Variants in MRRF observed in about 807,000 individuals in gnomAD.
MRRF encodes the protein mitochondrial ribosome recycling factor, also known as ribosome-recycling factor, mitochondrial.
In MRRF, 18 loss-of-function variants were observed where a neutral mutation model predicts 25.1. That is an observed-to-expected ratio of 0.72 (90% CI 0.50 to 1.06). MRRF has a LOEUF of 1.06. MRRF is among the 50% of genes least tolerant of loss of function. MRRF has a pLI of 0.00. For synonymous variants in MRRF, 113 were observed against 112.1 expected (o/e 1.01, Z -0.05); for missense variants, 323 against 319.3 (o/e 1.01, Z -0.09).
At position 122,324,997 on chromosome 9, in the gene MRRF, A is replaced by T. The variant is rs901899480; in HGVS notation, c.*2380A>T. Reference sequence around the variant, plus strand: ...AGCCACATGACAGGGGCTTTGCAACAGTCTTTCATGAGTGGCCGAAATCCC... The same window carrying T: ...AGCCACATGACAGGGGCTTTGCAACTGTCTTTCATGAGTGGCCGAAATCCC... On this transcript the variant is annotated 3_prime_UTR_variant, in exon 7 of 7. Coordinates refer to ENST00000344641, the MANE Select transcript of MRRF (RefSeq NM_138777.5). The T allele has an allele frequency of 5.3e-5, 8 of 152,226 alleles. No homozygotes were observed. The highest frequency in any genetic ancestry group is 1.9e-4 in the African/African-American group (8 of 41,466). The allele number at this position is 152,226 out of a possible 1,614,324, so 9.4% of individuals were successfully genotyped here. A position where few individuals can be genotyped will look rare whatever the true frequency, so the allele number is the denominator to read the frequency against.
chr9:122,275,990 C>G (rs1183548903), intron 2 of MRRF, among the ~76,000 whole-genome samples: 2 of 152,168 alleles, frequency 1.3e-5, no homozygotes, highest in African/African-American at 2.4e-5. Context: ...TCACTGCAGC[C>G]TTGTCCTCCT....
chr9:122,286,298 C>A, intron 4 of MRRF: 2 of 919,760 alleles, frequency 2.2e-6, no homozygotes, highest in Non-Finnish European at 2.9e-6. Flanking sequence ...GCTGTGAACA[C>A]ACTGTTTCAA....
At chr9:122,273,471 G>A (rs913157466) in intron 2 of MRRF, among the ~76,000 whole-genome samples, 3 of 149,840 alleles carry the variant, frequency 2.0e-5, no homozygotes, top group African/African-American at 4.9e-5. Flanking sequence ...ATCTTGTACA[G>A]TTATTTAATC....
chr9:122,323,064 G>A lies in MRRF; in HGVS notation c.*447G>A. The A allele has an allele frequency of 9.0e-6, 2 of 221,294 alleles. No homozygotes were observed. The highest frequency in any genetic ancestry group is 1.5e-4 in the South Asian group (2 of 13,200). The allele number at this position is 221,294 out of a possible 1,614,324, so 13.7% of individuals were successfully genotyped here. A position where few individuals can be genotyped will look rare whatever the true frequency, so the allele number is the denominator to read the frequency against. On this transcript the variant is annotated 3_prime_UTR_variant, in exon 7 of 7. Transcript: ENST00000344641. ...ACAATAAAATCTAAATAAATTGGAA[G>A]GAATAACAACCACAAAGGAAAGAAT...
At chr9:122,321,218 A>T (rs112893020) in intron 6 of MRRF, among the ~76,000 whole-genome samples, 1 of 152,128 alleles carries the variant, frequency 6.6e-6, no homozygotes, top group African/African-American at 2.4e-5. Flanking sequence ...CATATTTTAG[A>T]GATCATTTCT....
Position 122,322,917 on chromosome 9 carries a change from A to G in MRRF, c.*300A>G. 2.0e-6 allele frequency: 1 copy of G among 502,762 alleles called. No homozygotes were observed. The highest frequency in any genetic ancestry group is 2.2e-5 in the South Asian group (1 of 45,488). 31.1% of individuals were successfully genotyped at this position (502,762 alleles called of 1,614,324 possible). ...GACTGAGGCCATTGGCAGGCTTAGT[A>G]CCACCTGCTCCTCATCTTAGGAGTC... On this transcript the variant is annotated 3_prime_UTR_variant, in exon 7 of 7. Transcript: ENST00000344641.
chr9:122,279,354 C>G (rs887853713), intron 2 of MRRF, among the ~76,000 whole-genome samples: 1 of 152,218 alleles, frequency 6.6e-6, no homozygotes, highest in Non-Finnish European at 1.5e-5. Flanking sequence ...ATACTAATCA[C>G]TATTCTTCCT....
intron 6 of MRRF, among the ~76,000 whole-genome samples, chr9:122,318,810 G>T (rs914386608): frequency 2.0e-5 from 3 of 152,194 alleles, no homozygotes; most frequent in Non-Finnish European, 4.4e-5. Flanking sequence ...TCAGCAAATG[G>T]TGTCATCTTT....
At chr9:122,299,184 A>G (rs545954442) in intron 5 of MRRF, among the ~76,000 whole-genome samples, 2 of 151,636 alleles carry the variant, frequency 1.3e-5, no homozygotes, top group South Asian at 4.2e-4. Context: ...TGAGGTCAAG[A>G]GTTTGAGACC....
chr9:122,320,239 CAAAT>C (rs1835809783), intron 6 of MRRF, among the ~76,000 whole-genome samples: 1 of 152,036 alleles, frequency 6.6e-6, no homozygotes, highest in Non-Finnish European at 1.5e-5. Flanking sequence ...CAAGAAATAG[CAAAT>C]AACCAGTTTA....
At chr9:122,275,529 G>GGATGCTGA in intron 2 of MRRF, among the ~76,000 whole-genome samples, 1 of 152,138 alleles carries the variant, frequency 6.6e-6, no homozygotes, top group East Asian at 1.9e-4. Flanking sequence ...CAGCTATTCA[G>GGATGCTGA]GATGCTGAGA....
intron 6 of MRRF, among the ~76,000 whole-genome samples, 198 bp downstream of exon 6, chr9:122,313,584 G>A (rs1297356389): frequency 5.3e-5 from 8 of 152,198 alleles, no homozygotes; most frequent in Non-Finnish European, 1.0e-4. Context: ...CACTTGTATT[G>A]TGTACCAGGT....
At chr9:122,289,903 C>A (rs1014845356) in intron 4 of MRRF, among the ~76,000 whole-genome samples, 27 of 151,512 alleles carry the variant, frequency 1.8e-4, no homozygotes, top group Non-Finnish European at 3.8e-4. Flanking sequence ...TGGTGCAGAC[C>A]TGTAGTCCCA....
At chr9:122,270,142 C>T (rs1398407227) in intron 1 of MRRF, among the ~76,000 whole-genome samples, 1 of 152,168 alleles carries the variant, frequency 6.6e-6, no homozygotes, top group Non-Finnish European at 1.5e-5. Context: ...AGCAACATTA[C>T]TGGCAGAAGC....
At position 122,330,358 on chromosome 9, in the gene MRRF, C is replaced by G. The variant is rs1275882143; in HGVS notation, c.*7741C>G. ...AGAGCCCCTAAATCTCCAAAGACAGCAGCTCCTCCGCGAGCTAGCTGCCCC... is the reference window on the plus strand; with the variant it reads ...AGAGCCCCTAAATCTCCAAAGACAGGAGCTCCTCCGCGAGCTAGCTGCCCC... On this transcript the variant is annotated 3_prime_UTR_variant, in exon 7 of 7. Coordinates refer to ENST00000344641, the MANE Select transcript of MRRF (RefSeq NM_138777.5). The surrounding 1 kb of genome is among the most constrained non-coding windows in gnomAD (Gnocchi z 4.2). 2 of 152,254 alleles carry G rather than the reference C, an allele frequency of 1.3e-5. No individual in the cohort carries two copies. Among genetic ancestry groups the G allele is most frequent in the Non-Finnish European group, 2.9e-5 (2 of 68,084 alleles). 9.4% of individuals were successfully genotyped at this position (152,254 alleles called of 1,614,324 possible).
chr9:122,303,197 T>G (rs547322765), intron 5 of MRRF, among the ~76,000 whole-genome samples: 1 of 152,048 alleles, frequency 6.6e-6, no homozygotes, highest in Admixed American at 6.6e-5. Flanking sequence ...GTTCATTTAT[T>G]GTTCCCCAGT....
At chr9:122,286,318 C>T (rs1216630246) in intron 4 of MRRF, among the ~76,000 whole-genome samples, 1 of 152,186 alleles carries the variant, frequency 6.6e-6, no homozygotes, top group African/African-American at 2.4e-5. Flanking sequence ...AATCAAAGGG[C>T]TCTGATAGCT....
chr9:122,321,195 A>C (rs775694783), intron 6 of MRRF, among the ~76,000 whole-genome samples: 4 of 152,100 alleles, frequency 2.6e-5, no homozygotes, highest in African/African-American at 4.8e-5. Flanking sequence ...AAAAATACAC[A>C]ATTTTTTGTT....
chr9:122,285,463 A>G, intron 4 of MRRF, 176 bp downstream of exon 4: 1 of 665,904 alleles, frequency 1.5e-6, no homozygotes, highest in Non-Finnish European at 2.7e-6. Flanking sequence ...TTTTCTGTTA[A>G]ACTCAGATGC....
Sources: gnomAD v4.1 joint callset for allele counts (sites outside exome capture counted in the v4.1 genomes callset) on GRCh38, gnomAD v4.1.1 for gene constraint, Gnocchi (gnomAD v3.1) non-coding constraint, MANE v1.5 for transcripts, NCBI Gene and HGNC (gene_info 2026-07-23, HGNC 2026-07-21) for gene names.